EML6: variants seen among roughly 807,000 people sequenced by gnomAD.
EML6 encodes the protein echinoderm microtubule-associated protein-like 6.
In EML6, 154 loss-of-function variants were observed where a neutral mutation model predicts 240.1. The ratio of observed to expected loss-of-function variants is 0.64; its 90% CI spans 0.56 to 0.73. The LOEUF is 0.73. EML6 is among the 30% of genes least tolerant of loss of function. The pLI, the probability that EML6 is intolerant of heterozygous loss-of-function variation, is 0.00. For missense variants in EML6, 2,964 were observed against 2,474.6 expected (o/e 1.20, Z -4.20); for synonymous variants, 1,148 against 899.0 (o/e 1.28, Z -4.95).
intron 4 of EML6, among the ~76,000 whole-genome samples, chr2:54,819,736 C>CT (rs35531338): frequency 0.58 from 85,597 of 147,768 alleles, 26,287 homozygotes; most frequent in Middle Eastern, 0.76. Context: ...GATCACGCCA[C>CT]TGCACTCCAG....
At chr2:54,906,099 C>G (rs1238994054) in intron 24 of EML6, among the ~76,000 whole-genome samples, 2 of 152,194 alleles carry the variant, frequency 1.3e-5, no homozygotes, top group South Asian at 4.1e-4. Context: ...TGAGGAATTA[C>G]TATACTGTTT....
In EML6 at chr2:54,802,252, G is replaced by C. The variant is rs191877438; in HGVS notation, c.198-10980G>C. 2.0e-5 allele frequency among the ~76,000 whole-genome samples: 3 copies of C among 152,214 alleles called. No homozygotes were observed. In the East Asian group the frequency reaches 5.8e-4, roughly 29 times the overall value. On this transcript the variant is annotated intron_variant, in intron 2 of 41. Coordinates refer to ENST00000356458, the MANE Select transcript of EML6 (RefSeq NM_001039753.4). ...CCGATACAAGCAAGAATGAAATACA[G>C]TTTTTATTTTCTGCATCTAAAAATC...
intron 25 of EML6, among the ~76,000 whole-genome samples, chr2:54,916,148 A>G (rs953853478): frequency 6.6e-6 from 1 of 152,222 alleles, no homozygotes; most frequent in Non-Finnish European, 1.5e-5. Context: ...TTGCTGCAGA[A>G]TCTTATTACT....
At chr2:54,803,941 T>G (rs1670323846) in intron 2 of EML6, among the ~76,000 whole-genome samples, 1 of 152,156 alleles carries the variant, frequency 6.6e-6, no homozygotes. Context: ...AATGATGAAA[T>G]CACATTGAAT....
chr2:54,915,454 G>T (rs1673861481), intron 25 of EML6, among the ~76,000 whole-genome samples: 1 of 152,114 alleles, frequency 6.6e-6, no homozygotes, highest in South Asian at 2.1e-4. Context: ...TGAAGGTTAG[G>T]TTAGGACATC....
chr2:54,942,075 T>C (rs530833805), intron 28 of EML6, among the ~76,000 whole-genome samples: 3 of 152,230 alleles, frequency 2.0e-5, no homozygotes, highest in Non-Finnish European at 4.4e-5. Context: ...ATTTTCTTTA[T>C]TCAAACCCCT....
At chr2:54,901,899 T>A (rs1277851206) in intron 22 of EML6, among the ~76,000 whole-genome samples, 1 of 152,192 alleles carries the variant, frequency 6.6e-6, no homozygotes, top group Non-Finnish European at 1.5e-5. Flanking sequence ...CTTTGCAAAG[T>A]CCATGCTCCT....
At position 54,778,900 on chromosome 2, in the gene EML6, AAAAG is replaced by A. The variant is rs1485226636; in HGVS notation, c.198-34320_198-34317del. 6.0e-5 allele frequency among the ~76,000 whole-genome samples: 9 copies of A among 149,924 alleles called. No homozygotes were observed. The South Asian group carries it at 8.3e-4, about 14-fold the overall frequency. On this transcript the variant is annotated intron_variant, in intron 2 of 41. Coordinates refer to ENST00000356458, the MANE Select transcript of EML6 (RefSeq NM_001039753.4). ...GAGCAAGACTCCATCTCAAAAAAAA[AAAAG>A]AAAGAAAGAAAAGAAGTGAATTGTT...
chr2:54,731,950 C>T (rs988029555), intron 2 of EML6, among the ~76,000 whole-genome samples: 3 of 152,170 alleles, frequency 2.0e-5, no homozygotes, highest in African/African-American at 7.2e-5. Context: ...CCAATTCCTC[C>T]ACATCGTCAA....
chr2:54,861,791 A>G (rs529432036), intron 12 of EML6, among the ~76,000 whole-genome samples: 1 of 133,748 alleles, frequency 7.5e-6, no homozygotes, highest in African/African-American at 2.5e-5. Flanking sequence ...TTTTTAATCT[A>G]ATGCACAGAA....
At chr2:54,878,357 C>T (rs1299485271) in intron 16 of EML6, among the ~76,000 whole-genome samples, 1 of 152,082 alleles carries the variant, frequency 6.6e-6, no homozygotes, top group African/African-American at 2.4e-5. Flanking sequence ...GAGAAGAGCC[C>T]TGATATACTG....
chr2:54,909,571 A>G (rs1673529594), intron 24 of EML6, among the ~76,000 whole-genome samples: 1 of 152,198 alleles, frequency 6.6e-6, no homozygotes, highest in South Asian at 2.1e-4. Context: ...TAGGCTGAGC[A>G]TGGTGGCTCA....
intron 15 of EML6, among the ~76,000 whole-genome samples, chr2:54,869,968 G>A (rs545823534): frequency 2.2e-4 from 34 of 152,198 alleles, no homozygotes; most frequent in African/African-American, 8.2e-4. Flanking sequence ...ATTAAACACA[G>A]ATGTATTACC....
chr2:54,956,505 T>C (rs1676239591), intron 32 of EML6, among the ~76,000 whole-genome samples: 1 of 152,224 alleles, frequency 6.6e-6, no homozygotes, highest in African/African-American at 2.4e-5. Context: ...TTGTGTTACT[T>C]TGTTTATGGT....
intron 28 of EML6, among the ~76,000 whole-genome samples, chr2:54,936,587 G>C (rs533680254): frequency 6.6e-6 from 1 of 152,134 alleles, no homozygotes; most frequent in African/African-American, 2.4e-5. Context: ...ATGTTTTGAA[G>C]AGGATACAAT....
intron 2 of EML6, among the ~76,000 whole-genome samples, chr2:54,788,771 C>A (rs544480418): frequency 2.8e-4 from 42 of 152,194 alleles, no homozygotes; most frequent in Admixed American, 5.2e-4. Flanking sequence ...CCAAACTCTT[C>A]AGAACATATA....
Position 54,950,183 on chromosome 2 carries a change from G to T in EML6, c.4084-467G>T, listed in dbSNP as rs190672755. Among the ~76,000 whole-genome samples, 329 of 152,320 alleles carry T rather than the reference G, an allele frequency of 2.2e-3. 4 individuals carry two copies. Among genetic ancestry groups the T allele is most frequent in the African/African-American group, 7.6e-3 (315 of 41,564 alleles). On this transcript the variant is annotated intron_variant, in intron 29 of 41. Transcript: ENST00000356458. ...ATGGCAAATATGTAGCAACTTTGTA[G>T]AGCAAGCACCAGGCAGCAGAACGAG...
intron 2 of EML6, among the ~76,000 whole-genome samples, chr2:54,749,230 C>T (rs1461836487): frequency 6.6e-6 from 1 of 152,148 alleles, no homozygotes; most frequent in East Asian, 1.9e-4. Context: ...GTAAAGCATT[C>T]ATGGGTGAAA....
At chr2:54,904,849 C>G (rs1266861181) in intron 24 of EML6, among the ~76,000 whole-genome samples, 2 of 152,162 alleles carry the variant, frequency 1.3e-5, no homozygotes, top group African/African-American at 4.8e-5. Context: ...AAGGTTATTT[C>G]AGAGTATTTC....
Sources: allele counts gnomAD v4.1 joint callset (sites outside exome capture counted in the v4.1 genomes callset), GRCh38; gene constraint gnomAD v4.1.1; transcripts MANE v1.5; gene names NCBI Gene and HGNC (gene_info 2026-07-23, HGNC 2026-07-21).